The following GUCY1A2 variants were observed in gnomAD, a reference collection of about 807,000 sequenced individuals.
GUCY1A2 encodes the protein guanylate cyclase 1 soluble subunit alpha 2, also known as guanylate cyclase soluble subunit alpha-2.
Under a neutral mutation model 63.5 loss-of-function variants are expected in GUCY1A2, and 27 were observed. The ratio of observed to expected loss-of-function variants is 0.43; its 90% CI spans 0.31 to 0.59. GUCY1A2 has a LOEUF of 0.59. Among genes scored for constraint, GUCY1A2 ranks in the 20% least tolerant of loss-of-function variants. GUCY1A2 has a pLI of 0.11. For missense variants in GUCY1A2, 768 were observed against 913.3 expected (o/e 0.84, Z 2.05); for synonymous variants, 364 against 343.5 (o/e 1.06, Z -0.66).
rs1343866737 is a variant in GUCY1A2, at chr11:106,709,344, A to AC, written c.1837-679_1837-678insG. ...ATATATATTATATAAATATATATAA[A>AC]TTTATATATTTTATATAATATATAT... is the stretch of plus-strand genomic sequence containing the variant. On this transcript the variant is annotated intron_variant, in intron 6 of 7. Transcript: ENST00000526355. Among the ~76,000 whole-genome samples, 569 of 88,440 alleles carry AC rather than the reference A, an allele frequency of 6.4e-3. 9 individuals carry two copies. The highest frequency in any genetic ancestry group is 0.023 in the African/African-American group (513 of 21,850). The allele number at this position is 88,440 out of a possible 152,430, so 58.0% of individuals were successfully genotyped here.
At chr11:106,713,496 C>CTTTTTTTTTTTTTTTTTTTTTT (rs143909145) in intron 6 of GUCY1A2, among the ~76,000 whole-genome samples, 2 of 78,354 alleles carry the variant, frequency 2.6e-5, no homozygotes, top group African/African-American at 1.1e-4. Flanking sequence ...TAGTATGTTT[C>CTTTTTTTTTTTTTTTTTTTTTT]TTTTTTTTTT....
intron 6 of GUCY1A2, among the ~76,000 whole-genome samples, chr11:106,753,962 C>T (rs982707892): frequency 2.0e-5 from 3 of 152,116 alleles, no homozygotes; most frequent in African/African-American, 2.4e-5. Context: ...GACATTTTCA[C>T]GATATTGATT....
At chr11:106,717,323 C>T (rs1345651967) in intron 6 of GUCY1A2, among the ~76,000 whole-genome samples, 1 of 152,120 alleles carries the variant, frequency 6.6e-6, no homozygotes, top group African/African-American at 2.4e-5. Flanking sequence ...AAACAACAGG[C>T]CCATAGTAGA....
intron 7 of GUCY1A2, among the ~76,000 whole-genome samples, 176 bp downstream of exon 7, chr11:106,708,334 CAG>C (rs1451918896): frequency 5.9e-5 from 9 of 152,140 alleles, no homozygotes; most frequent in Admixed American, 2.0e-4. Flanking sequence ...TGCACTCTCA[CAG>C]AGTGCAAATA....
chr11:106,960,634 G>A (rs543634192), intron 3 of GUCY1A2, among the ~76,000 whole-genome samples: 2 of 152,208 alleles, frequency 1.3e-5, no homozygotes, highest in East Asian at 1.9e-4. Context: ...TCATTAATGG[G>A]GAAATGTAGA....
At chr11:106,853,851 T>C (rs1412451337) in intron 4 of GUCY1A2, among the ~76,000 whole-genome samples, 1 of 152,200 alleles carries the variant, frequency 6.6e-6, no homozygotes, top group Non-Finnish European at 1.5e-5. Context: ...GTAGGGTGTT[T>C]TGGCTTTTAT....
At chr11:106,837,693 G>T (rs971861070) in intron 4 of GUCY1A2, among the ~76,000 whole-genome samples, 145 of 152,014 alleles carry the variant, frequency 9.5e-4, no homozygotes, top group African/African-American at 3.4e-3. Context: ...ATTGAAAAAA[G>T]AATCTATATA....
At chr11:106,736,944 C>A (rs1179613681) in intron 6 of GUCY1A2, among the ~76,000 whole-genome samples, 2 of 152,020 alleles carry the variant, frequency 1.3e-5, no homozygotes, top group Non-Finnish European at 2.9e-5. Context: ...GGGAGCATAC[C>A]ACCACATTGC....
intron 4 of GUCY1A2, among the ~76,000 whole-genome samples, chr11:106,812,434 TG>T (rs1481461456): frequency 6.6e-6 from 1 of 151,774 alleles, no homozygotes; most frequent in African/African-American, 2.4e-5. Flanking sequence ...CTCCTTCTGC[TG>T]GTCTCTCTTC....
intron 6 of GUCY1A2, among the ~76,000 whole-genome samples, chr11:106,744,896 G>T (rs1863759851): frequency 6.6e-6 from 1 of 152,050 alleles, no homozygotes. Flanking sequence ...ATATACTTTA[G>T]TTAAGCATTA....
At chr11:106,828,414 A>G (rs987380948) in intron 4 of GUCY1A2, among the ~76,000 whole-genome samples, 4 of 151,994 alleles carry the variant, frequency 2.6e-5, no homozygotes, top group Admixed American at 6.6e-5. Flanking sequence ...TCTTATGTGT[A>G]TGGCTAGCCA....
intron 4 of GUCY1A2, among the ~76,000 whole-genome samples, chr11:106,840,277 T>C (rs1009982346): frequency 6.6e-6 from 1 of 151,930 alleles, no homozygotes; most frequent in South Asian, 2.1e-4. Context: ...TGAAAGAAGA[T>C]ACTTGGAAAA....
intron 6 of GUCY1A2, among the ~76,000 whole-genome samples, chr11:106,709,178 T>C (rs1418097498): frequency 2.3e-5 from 3 of 129,642 alleles, no homozygotes; most frequent in African/African-American, 2.8e-5. Context: ...TATAACTATA[T>C]ATTATATATA....
chr11:106,965,521 T>G (rs901576081), intron 3 of GUCY1A2, among the ~76,000 whole-genome samples: 2 of 152,234 alleles, frequency 1.3e-5, no homozygotes, highest in African/African-American at 2.4e-5. Flanking sequence ...TGCATTTGAT[T>G]TGTGGATTTT....
chr11:106,884,569 C>T (rs1285151861), intron 4 of GUCY1A2, among the ~76,000 whole-genome samples: 4 of 151,646 alleles, frequency 2.6e-5, no homozygotes, highest in African/African-American at 9.7e-5. Context: ...GCAAAGTAAA[C>T]TAAGAAAACA....
intron 4 of GUCY1A2, among the ~76,000 whole-genome samples, chr11:106,852,790 C>T (rs1338646099): frequency 1.3e-5 from 2 of 152,014 alleles, no homozygotes; most frequent in Non-Finnish European, 2.9e-5. Flanking sequence ...TCCTTGCCTG[C>T]TTTTGGCATA....
chr11:106,983,869 A>C (rs547705957), intron 2 of GUCY1A2, among the ~76,000 whole-genome samples: 1 of 152,326 alleles, frequency 6.6e-6, no homozygotes, highest in South Asian at 2.1e-4. Context: ...TTTAACTGTA[A>C]GAAACACATT....
At chr11:106,758,520 C>T (rs1039497364) in intron 6 of GUCY1A2, among the ~76,000 whole-genome samples, 1 of 152,194 alleles carries the variant, frequency 6.6e-6, no homozygotes, top group Non-Finnish European at 1.5e-5. Context: ...ACTGTCCAAC[C>T]AGTCTCAATG....
At chr11:106,975,169 T>G (rs1369287334) in intron 3 of GUCY1A2, among the ~76,000 whole-genome samples, 1 of 152,166 alleles carries the variant, frequency 6.6e-6, no homozygotes, top group Non-Finnish European at 1.5e-5. Flanking sequence ...TTTATCATCC[T>G]TCTCCCTTAA....
Sources: allele counts gnomAD v4.1 joint callset (sites outside exome capture counted in the v4.1 genomes callset), GRCh38; gene constraint gnomAD v4.1.1; transcripts MANE v1.5; gene names NCBI Gene and HGNC (gene_info 2026-07-23, HGNC 2026-07-21).